ULK4: variants seen among roughly 807,000 people sequenced by gnomAD.
The protein encoded by ULK4 is inactive serine/threonine-protein kinase ULK4.
Under a neutral mutation model 160.6 loss-of-function variants are expected in ULK4, and 133 were observed. That is an observed-to-expected ratio of 0.83 (90% CI 0.72 to 0.96). The LOEUF (loss-of-function observed/expected upper bound fraction) is 0.96, where lower values mean the gene tolerates loss of function less well. ULK4 is among the 40% of genes least tolerant of loss of function. ULK4 has a pLI of 0.00. For missense variants in ULK4, 1,580 were observed against 1,499.5 expected (o/e 1.05, Z -0.89); for synonymous variants, 534 against 539.8 (o/e 0.99, Z 0.15).
rs574965858 is a variant in ULK4, at chr3:41,720,162, G to A, written c.2322-2301C>T. On this transcript the variant is annotated intron_variant, in intron 22 of 36. Coordinates refer to ENST00000301831, the MANE Select transcript of ULK4 (RefSeq NM_017886.4). Reference sequence around the variant, plus strand: ...TTATCTGATAATGTTTGTCACCCCAGTAAACTTAAAAATACCTAAGGGCAA... The same window carrying A: ...TTATCTGATAATGTTTGTCACCCCAATAAACTTAAAAATACCTAAGGGCAA... Among the ~76,000 whole-genome samples the A allele has an allele frequency of 2.6e-5, 4 of 152,196 alleles. No homozygotes were observed. The East Asian group carries it at 5.8e-4, about 22-fold the overall frequency.
At chr3:41,872,639 T>G (rs1262392089) in intron 17 of ULK4, among the ~76,000 whole-genome samples, 1 of 138,630 alleles carries the variant, frequency 7.2e-6, no homozygotes, top group Non-Finnish European at 1.5e-5. Flanking sequence ...TTATATTCCA[T>G]CCAGATGCAT....
intron 34 of ULK4, among the ~76,000 whole-genome samples, chr3:41,420,471 CTTTCTTTTTTTTTTTTT>C (rs1285318679): frequency 6.3e-5 from 4 of 63,242 alleles, no homozygotes; most frequent in African/African-American, 1.9e-4. Flanking sequence ...TTTTCCAGTT[CTTTCTTTTTTTTTTTTT>C]TTTTTTTTTT....
chr3:41,437,752 TAAGA>T (rs1249247674), intron 34 of ULK4, among the ~76,000 whole-genome samples: 6 of 152,228 alleles, frequency 3.9e-5, no homozygotes, highest in Admixed American at 6.5e-5. Context: ...AGGTTAATTC[TAAGA>T]AAGCAACCCA....
intron 32 of ULK4, among the ~76,000 whole-genome samples, chr3:41,554,022 T>C (rs1298126176): frequency 6.6e-6 from 1 of 152,128 alleles, no homozygotes; most frequent in Non-Finnish European, 1.5e-5. Context: ...CTTTATTCTA[T>C]CTATCTCCAT....
intron 22 of ULK4, among the ~76,000 whole-genome samples, chr3:41,719,811 C>A (rs1481712371): frequency 2.0e-5 from 3 of 152,156 alleles, no homozygotes; most frequent in African/African-American, 7.2e-5. Flanking sequence ...CCTTCCATGG[C>A]ATCTCATTGT....
In ULK4 at chr3:41,431,547, C is replaced by CCTTTTT. The variant is rs563543377; in HGVS notation, c.3492+23949_3492+23950insAAAAAG. On this transcript the variant is annotated intron_variant, in intron 34 of 36. Coordinates refer to ENST00000301831, the MANE Select transcript of ULK4 (RefSeq NM_017886.4). ...CCTGTGAGGTGTTGTAATTCCCTCC[C>CCTTTTT]TTTTTTTTTTTTTTTGATGTGGAAA... is the stretch of plus-strand genomic sequence containing the variant. Among the ~76,000 whole-genome samples, 217 of 95,868 alleles carry CCTTTTT rather than the reference C, an allele frequency of 2.3e-3. 10 individuals are homozygous for CCTTTTT. Among genetic ancestry groups the CCTTTTT allele is most frequent in the Non-Finnish European group, 3.7e-3 (182 of 49,614 alleles). The allele number at this position is 95,868 out of a possible 152,430, so 62.9% of individuals were successfully genotyped here. A position where few individuals can be genotyped will look rare whatever the true frequency, so the allele number is the denominator to read the frequency against.
chr3:41,391,472 G>A (rs867933701), intron 35 of ULK4, among the ~76,000 whole-genome samples: 1 of 151,756 alleles, frequency 6.6e-6, no homozygotes, highest in Non-Finnish European at 1.5e-5. Context: ...AAGACAGGAG[G>A]GAGAGAGGTA....
intron 30 of ULK4, among the ~76,000 whole-genome samples, chr3:41,628,441 G>A (rs2033614060): frequency 6.6e-6 from 1 of 152,080 alleles, no homozygotes; most frequent in East Asian, 1.9e-4. Context: ...ACTGAGGAGG[G>A]GACAGCATCA....
intron 22 of ULK4, among the ~76,000 whole-genome samples, chr3:41,739,195 G>A (rs924784079): frequency 6.6e-6 from 1 of 151,938 alleles, no homozygotes; most frequent in African/African-American, 2.4e-5. Context: ...ATCAATATAA[G>A]AGACTGAGTT....
At position 41,615,066 on chromosome 3, in the gene ULK4, T is replaced by C. The variant is rs1276706568; in HGVS notation, c.3120+603A>G. 2.6e-5 allele frequency among the ~76,000 whole-genome samples: 4 copies of C among 152,222 alleles called. No homozygotes were observed. The East Asian group carries it at 5.8e-4, about 22-fold the overall frequency. On this transcript the variant is annotated intron_variant, in intron 31 of 36. Transcript: ENST00000301831. ...CTAATTCATAGATCTGTATTTGGTA[T>C]AATTAGGGATTTATCAGAGACAAAG...
chr3:41,728,890 A>C (rs2037736894), intron 22 of ULK4, among the ~76,000 whole-genome samples: 1 of 152,214 alleles, frequency 6.6e-6, no homozygotes, highest in Non-Finnish European at 1.5e-5. Context: ...CTTGATATAT[A>C]ATCACAGCAA....
chr3:41,388,897 T>C (rs1349375803), intron 35 of ULK4, among the ~76,000 whole-genome samples: 2 of 152,168 alleles, frequency 1.3e-5, no homozygotes, highest in Non-Finnish European at 2.9e-5. Context: ...AGTAGTTTTT[T>C]CCAATTCTGT....
At chr3:41,334,759 A>G (rs900467220) in intron 35 of ULK4, among the ~76,000 whole-genome samples, 10 of 152,238 alleles carry the variant, frequency 6.6e-5, no homozygotes, top group African/African-American at 2.2e-4. Context: ...TTAATACATG[A>G]AAACATATTT....
At position 41,922,236 on chromosome 3, in the gene ULK4, C is replaced by CT. The variant is rs569768005; in HGVS notation, c.542-2419dup. ...GGTGTGGTGGCACAAGCCTGTACTC[C>CT]TAGCTACTTGGAGGGCCAAGACAGG... On this transcript the variant is annotated intron_variant, in intron 5 of 36. Coordinates refer to ENST00000301831, the MANE Select transcript of ULK4 (RefSeq NM_017886.4). Among the ~76,000 whole-genome samples, 905 of 152,240 alleles carry CT rather than the reference C, an allele frequency of 5.9e-3. 5 individuals are homozygous for CT. The highest frequency in any genetic ancestry group is 9.8e-3 in the Non-Finnish European group (668 of 68,004).
chr3:41,934,493 T>G (rs556345658), intron 4 of ULK4, among the ~76,000 whole-genome samples: 2 of 152,312 alleles, frequency 1.3e-5, no homozygotes, highest in South Asian at 4.1e-4. Context: ...ATAAACACAA[T>G]AACTGACATC....
chr3:41,821,818 T>A (rs772539045), intron 18 of ULK4, among the ~76,000 whole-genome samples: 6 of 152,156 alleles, frequency 3.9e-5, no homozygotes, highest in Non-Finnish European at 8.8e-5. Context: ...GACTTCTATC[T>A]CCCTCATAAC....
At chr3:41,262,566 T>C (rs7624889) in intron 35 of ULK4, among the ~76,000 whole-genome samples, 34,752 of 152,026 alleles carry the variant, frequency 0.23, 7,167 homozygotes, top group African/African-American at 0.55. Flanking sequence ...TCACCTCTCT[T>C]GCCCAAACTC....
At chr3:41,627,896 G>T (rs2033594360) in intron 30 of ULK4, among the ~76,000 whole-genome samples, 1 of 152,166 alleles carries the variant, frequency 6.6e-6, no homozygotes, top group South Asian at 2.1e-4. Flanking sequence ...CATGATAGAG[G>T]AGGGTAAGGA....
intron 35 of ULK4, among the ~76,000 whole-genome samples, chr3:41,390,244 T>A (rs1299372772): frequency 6.6e-6 from 1 of 152,214 alleles, no homozygotes; most frequent in Non-Finnish European, 1.5e-5. Context: ...TTATTGTGTC[T>A]ATTTGATTCT....
Sources: allele counts gnomAD v4.1 joint callset (sites outside exome capture counted in the v4.1 genomes callset), GRCh38; gene constraint gnomAD v4.1.1; transcripts MANE v1.5; gene names NCBI Gene and HGNC (gene_info 2026-07-23, HGNC 2026-07-21).